The following RBFOX1 variants were observed in gnomAD, a reference collection of about 807,000 sequenced individuals.
RBFOX1 encodes the protein RNA binding fox-1 homolog 1, also known as RNA binding protein fox-1 homolog 1.
In RBFOX1, 8 loss-of-function variants were observed where a neutral mutation model predicts 57.7. That is an observed-to-expected ratio of 0.14 (90% CI 0.08 to 0.25). The LOEUF is 0.25. Among genes scored for constraint, RBFOX1 ranks in the 10% least tolerant of loss-of-function variants. RBFOX1 has a pLI of 1.00. For synonymous variants in RBFOX1, 326 were observed against 222.4 expected, an observed-to-expected ratio of 1.47 and a Z score of -4.15; for missense variants, 611 against 548.5, an observed-to-expected ratio of 1.11 and a Z score of -1.14.
intron 3 of RBFOX1, among the ~76,000 whole-genome samples, chr16:6,873,325 G>T (rs1217511433): frequency 1.3e-5 from 2 of 152,022 alleles, no homozygotes; most frequent in African/African-American, 4.8e-5. Flanking sequence ...TGTTGGAGGG[G>T]GAAAAAGAGT....
chr16:6,892,230 T>A (rs1027616895), intron 3 of RBFOX1, among the ~76,000 whole-genome samples: 1 of 152,164 alleles, frequency 6.6e-6, no homozygotes, highest in African/African-American at 2.4e-5. Context: ...CAGAGCTCCT[T>A]CAATTCTTCA....
chr16:6,215,568 T>C (rs1310857279), intron 1 of RBFOX1, among the ~76,000 whole-genome samples: 2 of 152,114 alleles, frequency 1.3e-5, no homozygotes, highest in Non-Finnish European at 2.9e-5. Flanking sequence ...GACTAGCAGT[T>C]GTAAACACAC....
intron 2 of RBFOX1, among the ~76,000 whole-genome samples, chr16:6,553,556 C>T (rs1319979898): frequency 1.3e-5 from 2 of 152,206 alleles, no homozygotes; most frequent in Admixed American, 6.5e-5. Flanking sequence ...GTCACCAAGT[C>T]TATCTAATCA....
chr16:5,257,604 G>C (rs1200907717), intron 1 of RBFOX1, among the ~76,000 whole-genome samples: 1 of 152,178 alleles, frequency 6.6e-6, no homozygotes, highest in Non-Finnish European at 1.5e-5. Flanking sequence ...CTGAGTTCTT[G>C]GACACTTCTG....
intron 4 of RBFOX1, among the ~76,000 whole-genome samples, chr16:7,439,948 TC>T (rs55668928): frequency 0.23 from 28,562 of 123,012 alleles, 3,216 homozygotes; most frequent in Middle Eastern, 0.33. Context: ...ATCTTTTCTT[TC>T]TTTTTTTTTT....
At chr16:7,227,634 T>C (rs1026895681) in intron 4 of RBFOX1, among the ~76,000 whole-genome samples, 1 of 152,148 alleles carries the variant, frequency 6.6e-6, no homozygotes, top group Non-Finnish European at 1.5e-5. Context: ...CCAGTCATTG[T>C]AGCCACTGGA....
chr16:5,729,396 C>CTTTTTTT (rs71142649), intron 3 of RBFOX1, among the ~76,000 whole-genome samples: 7 of 111,480 alleles, frequency 6.3e-5, no homozygotes, highest in Admixed American at 2.0e-4. Flanking sequence ...TTTTTCTTTT[C>CTTTTTTT]TTTTTTTTTT....
intron 3 of RBFOX1, among the ~76,000 whole-genome samples, chr16:7,012,565 C>G (rs982198821): frequency 6.6e-5 from 10 of 152,152 alleles, no homozygotes; most frequent in South Asian, 6.2e-4. Context: ...TCCTTTCTCT[C>G]TTGTACAGTG....
intron 4 of RBFOX1, among the ~76,000 whole-genome samples, chr16:7,057,948 C>T (rs899730115): frequency 5.6e-5 from 8 of 141,650 alleles, no homozygotes; most frequent in Non-Finnish European, 1.2e-4. Context: ...GTGGAGGTTG[C>T]AGTGAGCAGA....
At chr16:5,367,756 G>A (rs2151359950) in intron 1 of RBFOX1, among the ~76,000 whole-genome samples, 1 of 152,214 alleles carries the variant, frequency 6.6e-6, no homozygotes, top group South Asian at 2.1e-4. Flanking sequence ...AATGAGACAG[G>A]GCACACGGAG....
intron 5 of RBFOX1, among the ~76,000 whole-genome samples, chr16:7,539,899 T>C (rs2082458132): frequency 1.3e-5 from 2 of 152,208 alleles, no homozygotes; most frequent in South Asian, 4.1e-4. Context: ...TTCTCCTTTA[T>C]GGAGAAGGCA....
intron 3 of RBFOX1, among the ~76,000 whole-genome samples, chr16:5,795,796 C>T (rs1286664349): frequency 6.6e-6 from 1 of 152,192 alleles, no homozygotes; most frequent in Admixed American, 6.5e-5. Flanking sequence ...TCCCATTCTC[C>T]CCTTCTGTTT....
intron 4 of RBFOX1, among the ~76,000 whole-genome samples, chr16:7,223,346 C>A (rs879412673): frequency 1.3e-5 from 2 of 152,174 alleles, no homozygotes; most frequent in Non-Finnish European, 2.9e-5. Flanking sequence ...ATTTGACAGT[C>A]AGTGCTAGAA....
intron 3 of RBFOX1, among the ~76,000 whole-genome samples, chr16:6,710,632 G>T (rs1193732430): frequency 6.6e-6 from 1 of 152,206 alleles, no homozygotes; most frequent in Non-Finnish European, 1.5e-5. Context: ...CTACAGCAAG[G>T]GAAGAAAAAT....
chr16:7,263,896 G>T (rs2095027028), intron 4 of RBFOX1, among the ~76,000 whole-genome samples: 1 of 141,824 alleles, frequency 7.1e-6, no homozygotes, highest in African/African-American at 2.7e-5. Context: ...GCAAAACTCA[G>T]TCTCAAAATA....
chr16:5,748,537 T>G (rs1459337101), intron 3 of RBFOX1, among the ~76,000 whole-genome samples: 3 of 151,912 alleles, frequency 2.0e-5, no homozygotes, highest in Non-Finnish European at 2.9e-5. Context: ...CTAAGGACTT[T>G]CTTTATGAAT....
intron 4 of RBFOX1, among the ~76,000 whole-genome samples, chr16:7,078,792 C>T (rs1201445851): frequency 6.7e-6 from 1 of 149,752 alleles, no homozygotes; most frequent in Non-Finnish European, 1.5e-5. Flanking sequence ...AAGCGATTCT[C>T]CTGCCTCATC....
intron 3 of RBFOX1, among the ~76,000 whole-genome samples, chr16:6,684,903 G>A (rs2059197387): frequency 6.6e-6 from 1 of 152,140 alleles, no homozygotes; most frequent in Non-Finnish European, 1.5e-5. Flanking sequence ...TACATACGAA[G>A]TCCTAGGCAT....
intron 1 of RBFOX1, among the ~76,000 whole-genome samples, chr16:5,426,020 G>A (rs1326642179): frequency 6.6e-6 from 1 of 152,152 alleles, no homozygotes; most frequent in Non-Finnish European, 1.5e-5. Flanking sequence ...TGCTGCTGGT[G>A]GAAGGCATGG....
Sources: gnomAD v4.1 joint callset for allele counts (sites outside exome capture counted in the v4.1 genomes callset) on GRCh38, gnomAD v4.1.1 for gene constraint, MANE v1.5 for transcripts, NCBI Gene and HGNC (gene_info 2026-07-23, HGNC 2026-07-21) for gene names.